Variants in PCDHGB2 observed in about 807,000 individuals in gnomAD.
PCDHGB2 encodes protocadherin gamma subfamily B, 2.
A neutral mutation model predicts 59.3 loss-of-function variants in PCDHGB2; 55 were observed. The ratio of observed to expected loss-of-function variants is 0.93; its 90% CI spans 0.75 to 1.16. The LOEUF (loss-of-function observed/expected upper bound fraction) is 1.16. PCDHGB2 is among the 50% of genes most tolerant of loss of function. PCDHGB2 has a pLI of 0.00. For missense variants in PCDHGB2, 1,228 were observed against 1,198.5 expected, an observed-to-expected ratio of 1.02 and a Z score of -0.36; for synonymous variants, 516 against 512.0, an observed-to-expected ratio of 1.01 and a Z score of -0.11.
At chr5:141,509,411 AGCC>A (rs2099876675) in intron 3 of PCDHGB2, among the ~76,000 whole-genome samples, 2 of 152,098 alleles carry the variant, frequency 1.3e-5, no homozygotes, top group Admixed American at 1.3e-4. Flanking sequence ...TCCAGCAGCG[AGCC>A]CCAATGAGTC....
chr5:141,491,876 A>G lies in PCDHGB2; in HGVS notation c.2422-2931A>G. ...TTGCGCGAAACCAGAGTGGCCGATT[A>G]AGGGATGGGGCTCCGAGCACCGGGG... On this transcript the variant is annotated intron_variant, in intron 1 of 3. Coordinates refer to ENST00000522605, the MANE Select transcript of PCDHGB2 (RefSeq NM_018923.3). The surrounding 1 kb of genome is among the most constrained non-coding windows in gnomAD (Gnocchi z 6.9). 2.1e-6 allele frequency: 3 copies of G among 1,450,326 alleles called. No individual in the cohort carries two copies. Among genetic ancestry groups the G allele is most frequent in the Non-Finnish European group, 1.8e-6 (2 of 1,097,472 alleles). 89.8% of individuals were successfully genotyped at this position (1,450,326 alleles called of 1,614,324 possible).
At chr5:141,464,407 A>C (rs996561936) in intron 1 of PCDHGB2, among the ~76,000 whole-genome samples, 1 of 151,544 alleles carries the variant, frequency 6.6e-6, no homozygotes, top group Non-Finnish European at 1.5e-5. Flanking sequence ...CCTGAGATAT[A>C]TATATATCTA....
chr5:141,426,297 G>T (rs1056504791), intron 1 of PCDHGB2: 3 of 171,478 alleles, frequency 1.7e-5, no homozygotes, highest in African/African-American at 7.1e-5. Context: ...TGGGAAACAG[G>T]GTGAAGCAGA....
Position 141,485,602 on chromosome 5 carries a change from G to A in PCDHGB2, c.2422-9205G>A, listed in dbSNP as rs766134158. On this transcript the variant is annotated intron_variant, in intron 1 of 3. Transcript: ENST00000522605. The surrounding 1 kb of genome is among the most constrained non-coding windows in gnomAD (Gnocchi z 5.7). ...GGCAGCAGCTGGACTTGGAAATTGG[G>A]GAGGCAGCTCCTCCAGGACAGCGTT... is the stretch of plus-strand genomic sequence containing the variant. 2.5e-6 allele frequency: 4 copies of A among 1,612,418 alleles called. No individual in the cohort carries two copies. In the Admixed American group the frequency reaches 5.0e-5, roughly 20 times the overall value.
At chr5:141,365,298 A>G in intron 1 of PCDHGB2, 1 of 1,613,990 alleles carries the variant, frequency 6.2e-7, no homozygotes, top group Non-Finnish European at 8.5e-7. Context: ...GTAGCTCAGG[A>G]TGGAGGCGCT....
At chr5:141,389,998 T>C (rs755639909) in intron 1 of PCDHGB2, 1 of 1,614,046 alleles carries the variant, frequency 6.2e-7, no homozygotes, top group East Asian at 2.2e-5. Context: ...CTCGTGGCCA[T>C]GATTCTGGCC....
In PCDHGB2 at chr5:141,445,037, GT is replaced by G. The variant is rs2098454887; in HGVS notation, c.2422-49766del. 5.3e-5 allele frequency among the ~76,000 whole-genome samples: 8 copies of G among 152,072 alleles called. No homozygotes were observed. In the South Asian group the frequency reaches 1.7e-3, roughly 32 times the overall value. On this transcript the variant is annotated intron_variant, in intron 1 of 3. Transcript: ENST00000522605. ...TAATTTCTCTCAGCTATGTTGTATAGTTTTCAGTGTAGAGAGGTCATGTATA... is the reference window on the plus strand; with the variant it reads ...TAATTTCTCTCAGCTATGTTGTATAGTTTCAGTGTAGAGAGGTCATGTATA...
rs117345436 is a variant in PCDHGB2 at position 141,492,015 on chromosome 5, G to T, written c.2422-2792G>T. 1,356 of 600,608 alleles carry T rather than the reference G, an allele frequency of 2.3e-3. 40 individuals carry two copies. The East Asian group carries it at 0.038, about 17-fold the overall frequency. The allele number at this position is 600,608 out of a possible 1,614,324, so 37.2% of individuals were successfully genotyped here. A position where few individuals can be genotyped will look rare whatever the true frequency, so the allele number is the denominator to read the frequency against. ...ATTTCGGGCGATTTCCGCGGGTGTC[G>T]GGGGTCCCGGGAGGAGGCAGTCACA... On this transcript the variant is annotated intron_variant, in intron 1 of 3. Transcript: ENST00000522605.
chr5:141,490,862 C>G lies in PCDHGB2; in HGVS notation c.2422-3945C>G. 1 of 1,613,878 alleles carries G rather than the reference C, an allele frequency of 6.2e-7. No homozygotes were observed. Among genetic ancestry groups the G allele is most frequent in the East Asian group, 2.2e-5 (1 of 44,874 alleles). ...GTGGTGGGGGTTCGAGACTCCGGCTCTCCCCCATTGCATGCCAACACATCT... is the reference window on the plus strand; with the variant it reads ...GTGGTGGGGGTTCGAGACTCCGGCTGTCCCCCATTGCATGCCAACACATCT... On this transcript the variant is annotated intron_variant, in intron 1 of 3. Coordinates refer to ENST00000522605, the MANE Select transcript of PCDHGB2 (RefSeq NM_018923.3). The surrounding 1 kb of genome is among the most constrained non-coding windows in gnomAD (Gnocchi z 5.4).
At position 141,476,379 on chromosome 5, in the gene PCDHGB2, T is replaced by TTCA. The variant is rs768549633; in HGVS notation, c.2422-18428_2422-18427insTCA. 9 of 1,614,126 alleles carry TTCA rather than the reference T, an allele frequency of 5.6e-6. No homozygotes were observed. The East Asian group carries it at 2.0e-4, about 36-fold the overall frequency. ...AACCGGGAGACCGGAGAGATGTTTG[T>TTCA]GAACGACCGTCTGGATCGAGAGGAG... On this transcript the variant is annotated intron_variant, in intron 1 of 3. Transcript: ENST00000522605. This position sits in a 1 kb window ranked among gnomAD's most constrained non-coding sequence, Gnocchi z 7.6.
At chr5:141,413,445 C>G (rs764464917) in intron 1 of PCDHGB2, 105 of 1,613,986 alleles carry the variant, frequency 6.5e-5, no homozygotes, top group Non-Finnish European at 8.5e-5. Context: ...GCTTGATCAC[C>G]GCGGGCAGGA....
intron 1 of PCDHGB2, chr5:141,376,697 T>G (rs1773235579): frequency 1.5e-6 from 1 of 652,042 alleles, no homozygotes; most frequent in Non-Finnish European, 2.4e-6. Flanking sequence ...TTTTTTTTTT[T>G]GAGACGGAGT....
At chr5:141,418,530 G>T in intron 1 of PCDHGB2, 6 of 1,613,952 alleles carry the variant, frequency 3.7e-6, no homozygotes, top group Non-Finnish European at 5.1e-6. Flanking sequence ...CCCCGAAGCG[G>T]TACTGCTCAG....
rs1763497131 is a variant in PCDHGB2 at position 141,364,712 on chromosome 5, G to C, written c.2421+2156G>C. 1.9e-6 allele frequency: 3 copies of C among 1,613,834 alleles called. No homozygotes were observed. In the Admixed American group the frequency reaches 5.0e-5, roughly 27 times the overall value. On this transcript the variant is annotated intron_variant, in intron 1 of 3. Coordinates refer to ENST00000522605, the MANE Select transcript of PCDHGB2 (RefSeq NM_018923.3). ...AGAAGTAGAAATAATCGATATTAAT[G>C]ATAACTTCCCGCGTTTCCGGGATGA...
In PCDHGB2 at chr5:141,510,353, C is replaced by G. The variant is rs74759939; in HGVS notation, c.2570-594C>G. On this transcript the variant is annotated intron_variant, in intron 3 of 3. Transcript: ENST00000522605. ...CACCCCCACCCCACACACTTACTAA[C>G]GGAACTACCGAATCTCTACTCGTGC... is the stretch of plus-strand genomic sequence containing the variant. Among the ~76,000 whole-genome samples the G allele has an allele frequency of 1.9e-4, 28 of 146,588 alleles. No homozygotes were observed. The East Asian group carries it at 5.6e-3, about 29-fold the overall frequency.
chr5:141,505,589 C>T, intron 3 of PCDHGB2, 108 bp downstream of exon 3: 1 of 1,573,272 alleles, frequency 6.4e-7, no homozygotes, highest in Non-Finnish European at 8.6e-7. Context: ...GTAGTTTCTC[C>T]AGATCTTTCG....
intron 1 of PCDHGB2, chr5:141,403,784 G>C: frequency 1.9e-6 from 3 of 1,613,906 alleles, no homozygotes; most frequent in East Asian, 2.2e-5. Context: ...CGGAAAAGTG[G>C]CATACAAATT....
chr5:141,453,423 C>T (rs931962019), intron 1 of PCDHGB2, among the ~76,000 whole-genome samples: 2 of 152,120 alleles, frequency 1.3e-5, no homozygotes, highest in African/African-American at 4.8e-5. Context: ...TAAGCCACCA[C>T]ACCTAGCCTA....
At position 141,431,192 on chromosome 5, in the gene PCDHGB2, A is replaced by T. The variant is rs769745353; in HGVS notation, c.2422-63615A>T. 8.7e-6 allele frequency: 14 copies of T among 1,614,042 alleles called. No homozygotes were observed. Among genetic ancestry groups the T allele is most frequent in the African/African-American group, 2.7e-5 (2 of 74,912 alleles). On this transcript the variant is annotated intron_variant, in intron 1 of 3. Coordinates refer to ENST00000522605, the MANE Select transcript of PCDHGB2 (RefSeq NM_018923.3). This position sits in a 1 kb window ranked among gnomAD's most constrained non-coding sequence, Gnocchi z 4.8. ...TGAATTAGAAATAAAAATTAGTGAA[A>T]ATGCAGCCACTGAGATGCGGTTCCC...
Sources: gnomAD v4.1 joint callset for allele counts (sites outside exome capture counted in the v4.1 genomes callset) on GRCh38, gnomAD v4.1.1 for gene constraint, Gnocchi (gnomAD v3.1) non-coding constraint, MANE v1.5 for transcripts, NCBI Gene and HGNC (gene_info 2026-07-23, HGNC 2026-07-21) for gene names.